The following DCLK1 variants were observed in gnomAD, a reference collection of about 807,000 sequenced individuals.
DCLK1 encodes the protein doublecortin like kinase 1, also known as serine/threonine-protein kinase DCLK1.
In DCLK1, 16 loss-of-function variants were observed where a neutral mutation model predicts 86.2. The observed-to-expected ratio is 0.19, with a 90% CI of 0.13 to 0.28. The LOEUF (loss-of-function observed/expected upper bound fraction) is 0.28, where lower values mean the gene tolerates loss of function less well. Among genes scored for constraint, DCLK1 ranks in the 10% least tolerant of loss-of-function variants. The pLI is 1.00. For synonymous variants in DCLK1, 369 were observed against 370.5 expected (o/e 1.00, Z 0.05); for missense variants, 590 against 940.2 (o/e 0.63, Z 4.87).
At chr13:35,915,108 T>A (rs1032226794) in intron 4 of DCLK1, among the ~76,000 whole-genome samples, 1 of 152,238 alleles carries the variant, frequency 6.6e-6, no homozygotes, top group African/African-American at 2.4e-5. Context: ...AACATAAAAA[T>A]AAGTTAAGCT....
At chr13:35,924,679 G>A (rs1475050694) in intron 4 of DCLK1, among the ~76,000 whole-genome samples, 1 of 152,062 alleles carries the variant, frequency 6.6e-6, no homozygotes, top group Admixed American at 6.6e-5. Context: ...GAAATGGAAG[G>A]CTTAGTATTC....
intron 4 of DCLK1, among the ~76,000 whole-genome samples, chr13:35,918,719 G>C (rs1018255386): frequency 3.3e-5 from 5 of 152,058 alleles, no homozygotes; most frequent in Middle Eastern, 3.4e-3. Context: ...AAGAAAAATG[G>C]GCACTAATCA....
At chr13:35,850,033 T>C in intron 6 of DCLK1, 6 of 975,956 alleles carry the variant, frequency 6.1e-6, no homozygotes, top group Non-Finnish European at 7.3e-6. Flanking sequence ...CTTTAAAAAA[T>C]AAAATTTACT....
chr13:35,975,383 C>A (rs776607287), intron 3 of DCLK1, among the ~76,000 whole-genome samples: 2 of 152,192 alleles, frequency 1.3e-5, no homozygotes, highest in African/African-American at 4.8e-5. Flanking sequence ...TAGCTGGTCA[C>A]GGTGCCAACC....
At chr13:35,821,265 T>C (rs3897209) in intron 11 of DCLK1, among the ~76,000 whole-genome samples, 94,575 of 152,100 alleles carry the variant, frequency 0.62, 31,843 homozygotes, top group African/African-American at 0.88. Context: ...CAGGGCCAAG[T>C]ACATAGATGG....
intron 10 of DCLK1, among the ~76,000 whole-genome samples, chr13:35,825,124 C>T (rs1185743383): frequency 6.6e-6 from 1 of 152,228 alleles, no homozygotes; most frequent in Admixed American, 6.5e-5. Context: ...TGCCGATCCA[C>T]TGCCGTCCGG....
chr13:35,899,425 G>A (rs970342381), intron 4 of DCLK1, among the ~76,000 whole-genome samples: 3 of 151,324 alleles, frequency 2.0e-5, no homozygotes, highest in Admixed American at 1.3e-4. Flanking sequence ...AGTGTACATT[G>A]TACTATACAA....
Position 35,770,336 on chromosome 13 carries a change from T to C in DCLK1, c.*4199A>G, listed in dbSNP as rs1488334631. 1 of 152,224 alleles carries C rather than the reference T, an allele frequency of 6.6e-6. No individual in the cohort carries two copies. The highest frequency in any genetic ancestry group is 1.5e-5 in the Non-Finnish European group (1 of 68,042). 9.4% of individuals were successfully genotyped at this position (152,224 alleles called of 1,614,324 possible). A position where few individuals can be genotyped will look rare whatever the true frequency, so the allele number is the denominator to read the frequency against. ...AAGAAAAGAGTAAAGTGTATTATTT[T>C]CCCCTGCTTCTTTTCATATCTGAAT... On this transcript the variant is annotated 3_prime_UTR_variant, in exon 17 of 17. Coordinates refer to ENST00000360631, the MANE Select transcript of DCLK1 (RefSeq NM_001330071.2).
At chr13:36,078,811 T>C (rs1381162780) in intron 3 of DCLK1, among the ~76,000 whole-genome samples, 1 of 152,230 alleles carries the variant, frequency 6.6e-6, no homozygotes. Flanking sequence ...CAATTTTACG[T>C]AATGTGAATC....
intron 4 of DCLK1, among the ~76,000 whole-genome samples, chr13:35,913,586 G>T (rs1177405068): frequency 6.6e-6 from 1 of 152,022 alleles, no homozygotes; most frequent in Non-Finnish European, 1.5e-5. Context: ...ATATACCCTT[G>T]GCTATCAAAG....
At chr13:35,976,417 A>G (rs949694944) in intron 3 of DCLK1, among the ~76,000 whole-genome samples, 2 of 151,740 alleles carry the variant, frequency 1.3e-5, no homozygotes, top group Non-Finnish European at 2.9e-5. Flanking sequence ...ACTTCTGGGC[A>G]GGGATGTTGG....
At chr13:35,787,134 TTATA>T (rs1303485536) in intron 16 of DCLK1, among the ~76,000 whole-genome samples, 4 of 151,434 alleles carry the variant, frequency 2.6e-5, no homozygotes, top group Admixed American at 2.6e-4. Flanking sequence ...CATATATACT[TTATA>T]TGTGCATATA....
intron 4 of DCLK1, among the ~76,000 whole-genome samples, chr13:35,889,213 C>T (rs1873484877): frequency 6.6e-6 from 1 of 152,196 alleles, no homozygotes; most frequent in African/African-American, 2.4e-5. Flanking sequence ...TGCTGGGCCT[C>T]ACTGAGAAAA....
At chr13:35,900,721 CA>C (rs1874302165) in intron 4 of DCLK1, among the ~76,000 whole-genome samples, 1 of 152,194 alleles carries the variant, frequency 6.6e-6, no homozygotes. Flanking sequence ...CTCTATCCAC[CA>C]GATGCCAGTA....
intron 4 of DCLK1, among the ~76,000 whole-genome samples, chr13:35,932,765 T>C (rs1266817160): frequency 6.6e-6 from 1 of 152,202 alleles, no homozygotes; most frequent in Non-Finnish European, 1.5e-5. Flanking sequence ...GGAGTACAAT[T>C]GAAGATGAGA....
intron 4 of DCLK1, among the ~76,000 whole-genome samples, chr13:35,900,648 C>T (rs557862774): frequency 6.6e-6 from 1 of 152,292 alleles, no homozygotes; most frequent in African/African-American, 2.4e-5. Flanking sequence ...CACTATTGGG[C>T]TAGATAATTC....
At chr13:35,784,603 T>A (rs1487584328) in intron 16 of DCLK1, among the ~76,000 whole-genome samples, 1 of 152,206 alleles carries the variant, frequency 6.6e-6, no homozygotes, top group Non-Finnish European at 1.5e-5. Context: ...TTCTCTCTAA[T>A]CACAGTTTGA....
intron 3 of DCLK1, among the ~76,000 whole-genome samples, chr13:36,016,635 T>TA (rs889901791): frequency 6.6e-6 from 1 of 152,226 alleles, no homozygotes; most frequent in Non-Finnish European, 1.5e-5. Context: ...CATGAGTTTT[T>TA]ATCATGGATC....
At chr13:36,107,004 A>C (rs550191737) in intron 3 of DCLK1, among the ~76,000 whole-genome samples, 10 of 152,266 alleles carry the variant, frequency 6.6e-5, no homozygotes, top group African/African-American at 2.4e-4. Context: ...ATTCCTATTA[A>C]TCATCATTAC....
Sources: gnomAD v4.1 joint callset for allele counts (sites outside exome capture counted in the v4.1 genomes callset) on GRCh38, gnomAD v4.1.1 for gene constraint, MANE v1.5 for transcripts, NCBI Gene and HGNC (gene_info 2026-07-23, HGNC 2026-07-21) for gene names.